Variants in ADAMTS20 observed in about 807,000 individuals in gnomAD.
The protein encoded by ADAMTS20 is ADAM metallopeptidase with thrombospondin type 1 motif 20.
A neutral mutation model predicts 260.1 loss-of-function variants in ADAMTS20; 225 were observed. That is an observed-to-expected ratio of 0.87 (90% CI 0.78 to 0.97). ADAMTS20 has a LOEUF of 0.97. Ranked by LOEUF, ADAMTS20 falls within the 50% of genes least tolerant of loss-of-function variation. The pLI is 0.00. For missense variants in ADAMTS20, 2,400 were observed against 2,337.7 expected (o/e 1.03, Z -0.55); for synonymous variants, 802 against 769.5 (o/e 1.04, Z -0.70).
chr12:43,471,126 C>T (rs1042131672), intron 7 of ADAMTS20, among the ~76,000 whole-genome samples: 2 of 152,094 alleles, frequency 1.3e-5, no homozygotes, highest in African/African-American at 2.4e-5. Flanking sequence ...CCAGTGGGTG[C>T]ACGCACCGTG....
Position 43,439,757 on chromosome 12 carries a change from T to C in ADAMTS20, c.2464-6A>G. The stretch of plus-strand genomic sequence containing the variant: ...AAATTACCCACACACAACACCTCAA[T>C]AAGAATATAAAAGAACATACAATTA... On this transcript the variant is annotated splice_region_variant and splice_polypyrimidine_tract_variant and intron_variant, in intron 17 of 38. Coordinates refer to ENST00000389420, the MANE Select transcript of ADAMTS20 (RefSeq NM_025003.5). 2 of 1,601,846 alleles carry C rather than the reference T, an allele frequency of 1.2e-6. No individual in the cohort carries two copies. Among genetic ancestry groups the C allele is most frequent in the Non-Finnish European group, 1.7e-6 (2 of 1,175,040 alleles).
Position 43,443,900 on chromosome 12 carries a change from C to T in ADAMTS20, c.2198-17G>A. 1 of 1,606,016 alleles carries T rather than the reference C, an allele frequency of 6.2e-7. No homozygotes were observed. Among genetic ancestry groups the T allele is most frequent in the African/African-American group, 1.3e-5 (1 of 74,910 alleles). On this transcript the variant is annotated splice_polypyrimidine_tract_variant and intron_variant, in intron 15 of 38. Transcript: ENST00000389420. ...CATTATAACCTGCAATATAATTTTACATATGTTAAATTTCACAAAAAGCAG... is the reference window on the plus strand; with the variant it reads ...CATTATAACCTGCAATATAATTTTATATATGTTAAATTTCACAAAAAGCAG...
intron 18 of ADAMTS20, among the ~76,000 whole-genome samples, chr12:43,435,697 A>T (rs551062907): frequency 3.3e-4 from 45 of 135,070 alleles, no homozygotes; most frequent in South Asian, 8.8e-4. Context: ...AAAAGTCTAT[A>T]AAAAAAAAAA....
At chr12:43,424,043 G>T in intron 28 of ADAMTS20, 1 of 601,818 alleles carries the variant, frequency 1.7e-6, no homozygotes, top group Non-Finnish European at 2.9e-6. Context: ...TGAAACTTGG[G>T]TTTATATCTT....
At position 43,513,217 on chromosome 12, in the gene ADAMTS20, T is replaced by G. The variant is rs1034348752; in HGVS notation, c.614-10812A>C. ...CAAAACATTCTACCTCCTCCCACTA[T>G]GTGTACTAACAAGACAATGGAGCAC... is the stretch of plus-strand genomic sequence containing the variant. On this transcript the variant is annotated intron_variant, in intron 3 of 38. Coordinates refer to ENST00000389420, the MANE Select transcript of ADAMTS20 (RefSeq NM_025003.5). 1.4e-4 allele frequency among the ~76,000 whole-genome samples: 21 copies of G among 152,194 alleles called. 1 individual carries two copies. Among genetic ancestry groups the G allele is most frequent in the Non-Finnish European group, 5.9e-5 (4 of 68,022 alleles).
intron 29 of ADAMTS20, among the ~76,000 whole-genome samples, chr12:43,391,397 A>T (rs1400248129): frequency 2.0e-5 from 3 of 152,164 alleles, no homozygotes; most frequent in Non-Finnish European, 4.4e-5. Flanking sequence ...TTTACTCCAG[A>T]CTGAGCTCTT....
chr12:43,403,141 T>C (rs1301374970), intron 28 of ADAMTS20, among the ~76,000 whole-genome samples: 1 of 152,110 alleles, frequency 6.6e-6, no homozygotes, highest in Non-Finnish European at 1.5e-5. Flanking sequence ...CCCTCTAACA[T>C]GATAACTTTG....
chr12:43,527,864 AG>A (rs1184382407), intron 3 of ADAMTS20, among the ~76,000 whole-genome samples: 1 of 152,152 alleles, frequency 6.6e-6, no homozygotes, highest in Non-Finnish European at 1.5e-5. Flanking sequence ...AAAGAAATAA[AG>A]GGCATCCAAA....
intron 8 of ADAMTS20, among the ~76,000 whole-genome samples, 165 bp from the exon 9 acceptor site, chr12:43,466,960 T>C (rs1592083886): frequency 6.6e-6 from 1 of 152,048 alleles, no homozygotes; most frequent in East Asian, 1.9e-4. Context: ...TGTTCATGTT[T>C]AGAAGTACCT....
chr12:43,528,562 G>A (rs981341056), intron 3 of ADAMTS20, among the ~76,000 whole-genome samples: 3 of 151,682 alleles, frequency 2.0e-5, no homozygotes, highest in Admixed American at 6.6e-5. Flanking sequence ...ATTGGAAAAC[G>A]GGTGCCCTGT....
At chr12:43,436,835 A>G (rs1460529568) in intron 18 of ADAMTS20, among the ~76,000 whole-genome samples, 1 of 152,212 alleles carries the variant, frequency 6.6e-6, no homozygotes, top group African/African-American at 2.4e-5. Context: ...TGACAATCAG[A>G]AGATGAGAGA....
intron 37 of ADAMTS20, among the ~76,000 whole-genome samples, chr12:43,360,507 G>A (rs1939844497): frequency 6.6e-6 from 1 of 152,024 alleles, no homozygotes. Flanking sequence ...GACATAAAAA[G>A]AGAGTAGGGG....
chr12:43,509,753 ATATATTG>A (rs1942896975), intron 3 of ADAMTS20, among the ~76,000 whole-genome samples: 1 of 152,086 alleles, frequency 6.6e-6, no homozygotes, highest in African/African-American at 2.4e-5. Context: ...TCCAGGTCTT[ATATATTG>A]TATTGGGTCA....
intron 14 of ADAMTS20, among the ~76,000 whole-genome samples, chr12:43,448,560 C>G (rs577020642): frequency 1.3e-5 from 2 of 152,238 alleles, no homozygotes; most frequent in African/African-American, 4.8e-5. Flanking sequence ...CTAGGCCATA[C>G]CATTCTGGAC....
chr12:43,491,201 T>C (rs1227707015), intron 6 of ADAMTS20, among the ~76,000 whole-genome samples: 1 of 152,120 alleles, frequency 6.6e-6, no homozygotes, highest in Non-Finnish European at 1.5e-5. Context: ...ATGTTTACCA[T>C]TGTGTTACAA....
intron 9 of ADAMTS20, 84 bp from the exon 10 acceptor site, chr12:43,464,816 T>A (rs1565560246): frequency 4.3e-6 from 6 of 1,404,518 alleles, no homozygotes; most frequent in Non-Finnish European, 5.7e-6. Context: ...TTTGTAGTTC[T>A]TTACTTTCAA....
intron 19 of ADAMTS20, among the ~76,000 whole-genome samples, chr12:43,433,183 G>T (rs138688287): frequency 1.3e-5 from 2 of 152,146 alleles, no homozygotes; most frequent in African/African-American, 4.8e-5. Context: ...ACCAGGGAAC[G>T]TCTAGGAATT....
intron 3 of ADAMTS20, among the ~76,000 whole-genome samples, chr12:43,512,529 A>C (rs1342507464): frequency 6.6e-6 from 1 of 152,116 alleles, no homozygotes; most frequent in African/African-American, 2.4e-5. Flanking sequence ...TATTATTAGA[A>C]ATTTCAACCA....
rs1172737495 is a variant in ADAMTS20 at position 43,425,597 on chromosome 12, C to T, written c.4201G>A (p.Val1401Ile). ...QILEDHNCEI[V>I]NKPPSVIQCH... The stretch of plus-strand genomic sequence containing the variant: ...TGTATTACGCTAGGTGGCTTGTTTA[C>T]AATTTCACAGTTGTGATCTTCTAAT... The change falls in exon 28 of 39, where the codon GTA becomes ATA. Residue 1401 changes from valine to isoleucine, a missense_variant. Physicochemically the swap from Val to Ile is conservative, Grantham distance 29 (BLOSUM62 3). Transcript: ENST00000389420. 1 of 1,610,736 alleles carries T rather than the reference C, an allele frequency of 6.2e-7. No individual in the cohort carries two copies. The highest frequency in any genetic ancestry group is 1.1e-5 in the South Asian group (1 of 90,572).
Sources: allele counts gnomAD v4.1 joint callset (sites outside exome capture counted in the v4.1 genomes callset), GRCh38; gene constraint gnomAD v4.1.1; transcripts MANE v1.5; gene names NCBI Gene and HGNC (gene_info 2026-07-23, HGNC 2026-07-21).